The following ADAMTSL1 variants were observed in gnomAD, a reference collection of about 807,000 sequenced individuals.
ADAMTSL1 encodes ADAMTS-like protein 1.
A neutral mutation model predicts 201.8 loss-of-function variants in ADAMTSL1; 126 were observed. That is an observed-to-expected ratio of 0.62 (90% CI 0.54 to 0.72). The LOEUF (loss-of-function observed/expected upper bound fraction) is 0.72. ADAMTSL1 is among the 30% of genes least tolerant of loss of function. The pLI is 0.00. For missense variants in ADAMTSL1, 2,679 were observed against 2,277.8 expected, an observed-to-expected ratio of 1.18 and a Z score of -3.59; for synonymous variants, 1,121 against 903.4, an observed-to-expected ratio of 1.24 and a Z score of -4.32.
At chr9:18,004,800 A>G (rs1819748433) in intron 1 of ADAMTSL1, among the ~76,000 whole-genome samples, 1 of 152,068 alleles carries the variant, frequency 6.6e-6, no homozygotes, top group East Asian at 1.9e-4. Context: ...AAGGAGCATT[A>G]AGACAGCAGA....
chr9:18,579,927 G>A (rs1159589147), intron 4 of ADAMTSL1, among the ~76,000 whole-genome samples: 1 of 152,204 alleles, frequency 6.6e-6, no homozygotes, highest in Non-Finnish European at 1.5e-5. Flanking sequence ...TAGCATAAAT[G>A]TATGGACAGA....
At chr9:18,449,299 T>G (rs1820317081) in intron 2 of ADAMTSL1, among the ~76,000 whole-genome samples, 1 of 150,906 alleles carries the variant, frequency 6.6e-6, no homozygotes, top group African/African-American at 2.4e-5. Flanking sequence ...TTATATAATT[T>G]ATATTTAAAA....
chr9:18,578,291 A>C (rs2132392994), intron 4 of ADAMTSL1, among the ~76,000 whole-genome samples: 1 of 152,302 alleles, frequency 6.6e-6, no homozygotes, highest in Non-Finnish European at 1.5e-5. Flanking sequence ...ACCTTTTCAA[A>C]CCACATTCTC....
At chr9:18,678,165 C>T (rs1220525340) in intron 10 of ADAMTSL1, among the ~76,000 whole-genome samples, 2 of 152,018 alleles carry the variant, frequency 1.3e-5, no homozygotes, top group African/African-American at 2.4e-5. Context: ...CTTGTGCATC[C>T]TGCTTAATTT....
intron 3 of ADAMTSL1, among the ~76,000 whole-genome samples, chr9:18,569,107 T>C (rs1692977829): frequency 6.6e-6 from 1 of 152,188 alleles, no homozygotes; most frequent in Non-Finnish European, 1.5e-5. Context: ...GTGAGTAAAC[T>C]GGGAACCCTG....
intron 2 of ADAMTSL1, among the ~76,000 whole-genome samples, chr9:18,528,970 G>C (rs147859487): frequency 2.6e-5 from 4 of 151,762 alleles, no homozygotes; most frequent in African/African-American, 9.7e-5. Flanking sequence ...TTATATTAAC[G>C]ACCTGTTAAA....
chr9:18,245,015 G>C (rs1369806729), intron 2 of ADAMTSL1, among the ~76,000 whole-genome samples: 4 of 152,046 alleles, frequency 2.6e-5, no homozygotes, highest in Non-Finnish European at 5.9e-5. Flanking sequence ...CATTTTATTT[G>C]AAGTGTCTGA....
intron 3 of ADAMTSL1, among the ~76,000 whole-genome samples, chr9:18,567,864 A>G (rs1822023847): frequency 6.6e-6 from 1 of 152,210 alleles, no homozygotes; most frequent in South Asian, 2.1e-4. Context: ...ATAAAATAGA[A>G]TTTTAACATT....
intron 1 of ADAMTSL1, among the ~76,000 whole-genome samples, chr9:17,948,306 C>G (rs1472073628): frequency 6.6e-6 from 1 of 152,174 alleles, no homozygotes; most frequent in Non-Finnish European, 1.5e-5. Context: ...CCTTTATTTC[C>G]TACACATATT....
Position 18,777,575 on chromosome 9 carries a change from C to G in ADAMTSL1, c.3346C>G (p.Gln1116Glu), listed in dbSNP as rs1821127937. 1 of 1,610,156 alleles carries G rather than the reference C, an allele frequency of 6.2e-7. No individual in the cohort carries two copies. The highest frequency in any genetic ancestry group is 1.7e-5 in the Admixed American group (1 of 59,570). The change falls in exon 19 of 29, where the codon CAG becomes GAG. Residue 1116 changes from glutamine (Q) to glutamate (E), a missense_variant. By Grantham distance (29) the Gln-to-Glu change is conservative. Coordinates refer to ENST00000380548, the MANE Select transcript of ADAMTSL1 (RefSeq NM_001040272.6). ...QEIFRSHLEH[Q>E]DTLLKPSERR... ...GATCTTCCGCAGCCACCTGGAGCAC[C>G]AGGACACGCTCCTGAAGCCCTCGGA...
In ADAMTSL1 at chr9:18,775,897, G is replaced by T. The variant is rs1403639456; in HGVS notation, c.2551+1G>T. On this transcript the variant is annotated splice_donor_variant, in intron 18 of 28. Transcript: ENST00000380548. LOFTEE classifies it high-confidence loss of function. ...CCCTGTATGCTGGCAACCTGTGCAA[G>T]TAAGTATGTCAGGGCTCTGGGAATG... 6.3e-7 allele frequency: 1 copy of T among 1,590,220 alleles called. No individual in the cohort carries two copies. The highest frequency in any genetic ancestry group is 8.6e-7 in the Non-Finnish European group (1 of 1,167,368).
chr9:18,508,653 C>A (rs1331853906), intron 2 of ADAMTSL1, among the ~76,000 whole-genome samples: 1 of 152,070 alleles, frequency 6.6e-6, no homozygotes, highest in Admixed American at 6.5e-5. Flanking sequence ...CATGGAGACA[C>A]CTAGCATTCA....
intron 14 of ADAMTSL1, among the ~76,000 whole-genome samples, chr9:18,718,837 C>T (rs764862325): frequency 3.9e-5 from 6 of 152,220 alleles, no homozygotes; most frequent in Non-Finnish European, 8.8e-5. Context: ...GCCTCAGGAT[C>T]GTTGACCCAA....
intron 1 of ADAMTSL1, among the ~76,000 whole-genome samples, chr9:18,007,328 A>T (rs190994772): frequency 6.6e-4 from 100 of 152,112 alleles, no homozygotes; most frequent in African/African-American, 2.4e-3. Context: ...TAGCTTCTTG[A>T]TATTTGCTTA....
At chr9:18,650,317 G>A (rs1828151609) in intron 7 of ADAMTSL1, among the ~76,000 whole-genome samples, 1 of 152,192 alleles carries the variant, frequency 6.6e-6, no homozygotes, top group Non-Finnish European at 1.5e-5. Flanking sequence ...GGCCAGGAAA[G>A]GGAACTCCCT....
intron 2 of ADAMTSL1, among the ~76,000 whole-genome samples, chr9:18,413,142 G>A (rs1461762325): frequency 9.6e-6 from 1 of 103,886 alleles, no homozygotes; most frequent in Non-Finnish European, 1.9e-5. Flanking sequence ...GTTCTCTAAG[G>A]ATAATTTTTT....
chr9:18,408,773 A>C (rs4961646), intron 2 of ADAMTSL1, among the ~76,000 whole-genome samples: 22,480 of 152,224 alleles, frequency 0.15, 1,791 homozygotes, highest in South Asian at 0.24. Flanking sequence ...TACAGCAGGC[A>C]TTTATTGGAC....
chr9:18,774,650 A>T (rs1820875882), intron 17 of ADAMTSL1, among the ~76,000 whole-genome samples: 1 of 152,176 alleles, frequency 6.6e-6, no homozygotes, highest in African/African-American at 2.4e-5. Flanking sequence ...GGTATAATTT[A>T]TATATTATAA....
chr9:18,803,601 C>T (rs966377048), intron 20 of ADAMTSL1, among the ~76,000 whole-genome samples: 1 of 152,158 alleles, frequency 6.6e-6, no homozygotes, highest in African/African-American at 2.4e-5. Flanking sequence ...CTGCTATCCC[C>T]CAAAAATAAA....
Sources: allele counts gnomAD v4.1 joint callset (sites outside exome capture counted in the v4.1 genomes callset), GRCh38; gene constraint gnomAD v4.1.1; transcripts MANE v1.5; gene names NCBI Gene and HGNC (gene_info 2026-07-23, HGNC 2026-07-21).